Variants in PPP2R5C observed in about 807,000 individuals in gnomAD.
PPP2R5C encodes the protein serine/threonine-protein phosphatase 2A 56 kDa regulatory subunit gamma isoform.
In PPP2R5C, 7 loss-of-function variants were observed where a neutral mutation model predicts 68.9. The observed-to-expected ratio is 0.10, with a 90% CI of 0.06 to 0.19. PPP2R5C has a LOEUF of 0.19. Ranked by LOEUF, PPP2R5C falls within the 10% of genes least tolerant of loss-of-function variation. The pLI is 1.00. For missense variants in PPP2R5C, 348 were observed against 641.3 expected, an observed-to-expected ratio of 0.54 and a Z score of 4.94; for synonymous variants, 210 against 222.2, an observed-to-expected ratio of 0.95 and a Z score of 0.49.
chr14:101,856,924 A>G (rs1470885963), intron 2 of PPP2R5C, 39 bp downstream of exon 4: 12 of 1,581,762 alleles, frequency 7.6e-6, no homozygotes, highest in Non-Finnish European at 1.0e-5. Flanking sequence ...CCCAGTTCTG[A>G]TTTATAAACA....
intron 1 of PPP2R5C, chr14:101,824,243 T>C: frequency 8.9e-7 from 1 of 1,129,094 alleles, no homozygotes. Flanking sequence ...TTAGATATAT[T>C]CTTTTTATTC....
intron 2 of PPP2R5C, among the ~76,000 whole-genome samples, chr14:101,774,478 T>C (rs2037315511): frequency 6.6e-6 from 1 of 152,212 alleles, no homozygotes; most frequent in South Asian, 2.1e-4. Flanking sequence ...TTCAGCTGCA[T>C]ATCTCACTCC....
At chr14:101,761,412 G>A (rs1201973490), upstream of PPP2R5C, among the ~76,000 whole-genome samples, 2 of 151,706 alleles carry the variant, frequency 1.3e-5, no homozygotes, top group African/African-American at 2.4e-5. Flanking sequence ...GGTCAGCCCC[G>A]CGCCAGGAGG....
intron 1 of PPP2R5C, among the ~76,000 whole-genome samples, chr14:101,854,643 G>A (rs1412031029): frequency 6.6e-6 from 1 of 152,076 alleles, no homozygotes; most frequent in Admixed American, 6.5e-5. Flanking sequence ...GCAACACCCC[G>A]CCGCCCCCAG....
chr14:101,878,460 A>G (rs2043933921), intron 2 of PPP2R5C, among the ~76,000 whole-genome samples: 1 of 152,216 alleles, frequency 6.6e-6, no homozygotes, highest in Non-Finnish European at 1.5e-5. Context: ...GAGAGCTTCA[A>G]CTGGAAACCC....
intron 1 of PPP2R5C, chr14:101,818,491 CCAG>C (rs1566866355): frequency 1.9e-5 from 3 of 155,322 alleles, no homozygotes; most frequent in African/African-American, 7.2e-5. Flanking sequence ...CAAAAATTAG[CCAG>C]CGTGGTGGCG....
intron 1 of PPP2R5C, chr14:101,831,597 G>A (rs2040743621): frequency 1.7e-6 from 1 of 577,090 alleles, no homozygotes; most frequent in African/African-American, 1.8e-5. Context: ...CCTTATCATA[G>A]TACATTCCTT....
Position 101,883,612 on chromosome 14 carries a change from C to T in PPP2R5C, c.629+50C>T, listed in dbSNP as rs774761481. ...TCCTTGTGTGTGGTGATGCTCATTT[C>T]CCCCCTCGATGCTCCCCTACCCCAT... On this transcript the variant is annotated intron_variant, in intron 5 of 13. Transcript: ENST00000334743. 4.4e-6 allele frequency: 7 copies of T among 1,592,216 alleles called. No homozygotes were observed. In the Admixed American group the frequency reaches 5.1e-5, roughly 12 times the overall value.
At chr14:101,822,004 T>C (rs1374611554) in intron 1 of PPP2R5C, among the ~76,000 whole-genome samples, 2 of 152,056 alleles carry the variant, frequency 1.3e-5, no homozygotes, top group Non-Finnish European at 2.9e-5. Context: ...TCATTGACGC[T>C]TTTAAGAGTA....
At chr14:101,927,224 T>C (rs192566952) in exon 14 of PPP2R5C, 2 of 152,320 alleles carry the variant, frequency 1.3e-5, no homozygotes, top group Admixed American at 1.3e-4. Flanking sequence ...ATATCAATGT[T>C]TGGGTGACTG....
At chr14:101,824,899 G>A (rs1482951476) in intron 1 of PPP2R5C, 1 of 152,706 alleles carries the variant, frequency 6.5e-6, no homozygotes, top group African/African-American at 2.4e-5. Flanking sequence ...CAGTTGGGAA[G>A]ATGGGATGAT....
intron 7 of PPP2R5C, 68 bp from the exon 10 acceptor site, chr14:101,894,439 A>G: frequency 6.8e-7 from 1 of 1,474,122 alleles, no homozygotes; most frequent in Non-Finnish European, 9.5e-7. Context: ...TTTAACGATG[A>G]TTCTAGAAGA....
upstream of PPP2R5C, chr14:101,761,796 C>G: frequency 1.1e-6 from 1 of 898,910 alleles, no homozygotes; most frequent in South Asian, 5.3e-5. Context: ...GCGGCGGCGG[C>G]GGCGGCCGCG....
intron 13 of PPP2R5C, among the ~76,000 whole-genome samples, chr14:101,919,524 G>A (rs988809613): frequency 3.3e-5 from 5 of 151,814 alleles, no homozygotes; most frequent in African/African-American, 1.2e-4. Flanking sequence ...TTTTGATTTT[G>A]TGGCTTCAAA....
At position 101,790,819 on chromosome 14, in the gene PPP2R5C, G is replaced by A. The variant is rs560613959; in HGVS notation, c.259+4636G>A. The stretch of plus-strand genomic sequence containing the variant: ...CTGTTGGCTGGGCACCGTGGCTCAC[G>A]CCTGTAATCCCAGCACTTCGGGAGG... On this transcript the variant is annotated intron_variant, in intron 3 of 14. Transcript: ENST00000328724. 4.6e-5 allele frequency among the ~76,000 whole-genome samples: 7 copies of A among 152,354 alleles called. 1 individual carries two copies. In the South Asian group the frequency reaches 1.0e-3, roughly 23 times the overall value.
intron 5 of PPP2R5C, among the ~76,000 whole-genome samples, chr14:101,887,129 G>T (rs1490400909): frequency 6.6e-6 from 1 of 152,196 alleles, no homozygotes; most frequent in East Asian, 1.9e-4. Flanking sequence ...TAAATATAAG[G>T]TTGCTGTTTA....
intron 11 of PPP2R5C, among the ~76,000 whole-genome samples, chr14:101,911,944 A>G (rs935214300): frequency 1.3e-5 from 2 of 151,674 alleles, no homozygotes; most frequent in Admixed American, 6.6e-5. Context: ...CTCGCAGTGG[A>G]GTCAGTCAAC....
Position 101,906,735 on chromosome 14 carries a change from G to A in PPP2R5C, c.1151+206G>A, listed in dbSNP as rs1023887078. ...CCACCTTATACCTTCATTCCTGCCAGTATAGAGGCACATTGGTTTGCAGCC... is the reference window on the plus strand; with the variant it reads ...CCACCTTATACCTTCATTCCTGCCAATATAGAGGCACATTGGTTTGCAGCC... On this transcript the variant is annotated intron_variant, in intron 10 of 13. Coordinates refer to ENST00000334743, the Ensembl canonical transcript of PPP2R5C. This position sits in a 1 kb window ranked among gnomAD's most constrained non-coding sequence, Gnocchi z 4.0. 12 of 592,584 alleles carry A rather than the reference G, an allele frequency of 2.0e-5. No individual in the cohort carries two copies. Among genetic ancestry groups the A allele is most frequent in the African/African-American group, 1.9e-4 (10 of 53,016 alleles). 36.7% of individuals were successfully genotyped at this position (592,584 alleles called of 1,614,324 possible).
At chr14:101,876,750 C>G (rs1168185119) in intron 2 of PPP2R5C, among the ~76,000 whole-genome samples, 1 of 152,292 alleles carries the variant, frequency 6.6e-6, no homozygotes, top group Admixed American at 6.5e-5. Flanking sequence ...GAATCACATG[C>G]AGACATACGT....
Sources: allele counts gnomAD v4.1 joint callset (sites outside exome capture counted in the v4.1 genomes callset), GRCh38; gene constraint gnomAD v4.1.1; non-coding constraint Gnocchi (gnomAD v3.1); transcripts MANE v1.5; gene names NCBI Gene and HGNC (gene_info 2026-07-23, HGNC 2026-07-21).